Variants in CYLD observed in about 807,000 individuals in gnomAD.
CYLD encodes ubiquitin carboxyl-terminal hydrolase CYLD.
Under a neutral mutation model 104.5 loss-of-function variants are expected in CYLD, and 26 were observed. The observed-to-expected ratio is 0.25, with a 90% CI of 0.18 to 0.35. CYLD has a LOEUF of 0.35. Among genes scored for constraint, CYLD ranks in the 10% least tolerant of loss-of-function variants. The pLI, the probability that CYLD is intolerant of heterozygous loss-of-function variation, is 1.00. For missense variants in CYLD, 703 were observed against 1,136.1 expected (o/e 0.62, Z 5.48); for synonymous variants, 385 against 399.9 (o/e 0.96, Z 0.45).
At chr16:50,787,454 T>C in intron 13 of CYLD, 1 of 305,518 alleles carries the variant, frequency 3.3e-6, no homozygotes, top group Non-Finnish European at 6.2e-6. Flanking sequence ...TTCAGAGGCT[T>C]GCAGGAAAAA....
In CYLD at chr16:50,796,099, T is replaced by C. The variant is rs184250395; in HGVS notation, c.2687-225T>C. 4.1e-3 allele frequency among the ~76,000 whole-genome samples: 628 copies of C among 152,294 alleles called. 7 individuals are homozygous for C. Among genetic ancestry groups the C allele is most frequent in the Non-Finnish European group, 3.2e-3 (218 of 68,034 alleles). ...TTGGGGGCTTACCTCAGAATTCGTG[T>C]CCTTTTACCAGGTTTATTCACTGTT... On this transcript the variant is annotated intron_variant, in intron 18 of 18. Coordinates refer to ENST00000427738, the MANE Select transcript of CYLD (RefSeq NM_001378743.1).
In CYLD at chr16:50,787,682, G is replaced by T. The variant is rs572575637; in HGVS notation, c.2042-104G>T. 1.3e-4 allele frequency: 81 copies of T among 642,320 alleles called. No homozygotes were observed. The East Asian group carries it at 2.2e-3, about 17-fold the overall frequency. 39.8% of individuals were successfully genotyped at this position (642,320 alleles called of 1,614,324 possible). A position where few individuals can be genotyped will look rare whatever the true frequency, so the allele number is the denominator to read the frequency against. ...GCTTTTAATTGAAATAATATTGGAT[G>T]AATGAAACTGAATTCAGTATTAAAA... On this transcript the variant is annotated intron_variant, in intron 13 of 18. Coordinates refer to ENST00000427738, the MANE Select transcript of CYLD (RefSeq NM_001378743.1).
chr16:50,764,287 G>A (rs1275519066), intron 5 of CYLD, among the ~76,000 whole-genome samples: 1 of 152,230 alleles, frequency 6.6e-6, no homozygotes, highest in Non-Finnish European at 1.5e-5. Flanking sequence ...CCTATTCCTT[G>A]ACTATTTGAC....
chr16:50,798,978 C>T lies in CYLD; in HGVS notation c.*2470C>T. 8.6e-6 allele frequency: 2 copies of T among 233,486 alleles called. No individual in the cohort carries two copies. Among genetic ancestry groups the T allele is most frequent in the Non-Finnish European group, 8.5e-6 (1 of 118,100 alleles). The allele number at this position is 233,486 out of a possible 1,614,324, so 14.5% of individuals were successfully genotyped here. On this transcript the variant is annotated 3_prime_UTR_variant, in exon 19 of 19. Coordinates refer to ENST00000427738, the MANE Select transcript of CYLD (RefSeq NM_001378743.1). ...GAAGGTTTCCCCTGCACCTGTCTGTCCTGGCTCCCTCTGGGTAGCCCCCTA... is the reference window on the plus strand; with the variant it reads ...GAAGGTTTCCCCTGCACCTGTCTGTTCTGGCTCCCTCTGGGTAGCCCCCTA...
At chr16:50,785,231 C>T (rs1297450664) in intron 12 of CYLD, 2 of 152,024 alleles carry the variant, frequency 1.3e-5, no homozygotes, top group Non-Finnish European at 2.9e-5. Flanking sequence ...ATTTAAAGTC[C>T]ATATTAAGAT....
At chr16:50,775,128 A>C (rs373888825) in intron 5 of CYLD, 38 bp from the exon 6 acceptor site, 8 of 1,584,174 alleles carry the variant, frequency 5.0e-6, no homozygotes, top group East Asian at 2.2e-5. Context: ...TCTGTCCTCA[A>C]ATCCACTGTG....
chr16:50,778,675 G>A (rs1835239602), intron 8 of CYLD, among the ~76,000 whole-genome samples: 1 of 152,186 alleles, frequency 6.6e-6, no homozygotes, highest in Non-Finnish European at 1.5e-5. Context: ...GGAAGCTAGT[G>A]TTTGCCAGGG....
intron 10 of CYLD, 24 bp downstream of exon 10, chr16:50,781,435 T>C: frequency 1.9e-6 from 3 of 1,612,390 alleles, no homozygotes; most frequent in East Asian, 2.2e-5. Flanking sequence ...TTTTGTTTAC[T>C]TAACAACCTG....
At chr16:50,795,937 G>C (rs192768225) in intron 18 of CYLD, among the ~76,000 whole-genome samples, 2 of 152,032 alleles carry the variant, frequency 1.3e-5, no homozygotes, top group African/African-American at 4.8e-5. Context: ...CATTTGACTA[G>C]ATCTATTCCA....
Position 50,767,274 on chromosome 16 carries a change from CATT to C in CYLD, c.914-7888_914-7886del, listed in dbSNP as rs1224647594. 2.0e-5 allele frequency among the ~76,000 whole-genome samples: 3 copies of C among 152,238 alleles called. No individual in the cohort carries two copies. The East Asian group carries it at 5.8e-4, about 29-fold the overall frequency. On this transcript the variant is annotated intron_variant, in intron 5 of 18. Transcript: ENST00000427738. ...AATATTTTTAAAATTAAGGTATATA[CATT>C]ATTTTCAATAACATAATGGTATTGC... is the stretch of plus-strand genomic sequence containing the variant.
chr16:50,794,280 C>G lies in CYLD; in HGVS notation c.2538C>G (p.Asp846Glu), dbSNP rs376293566. ...NPVSLPKDLP[D>E]WDWRHGCIPC... ...TGTCACTTCCCAAAGACTTACCCGA[C>G]TGGGACTGGAGACACGGCTGCATCC... The change falls in exon 18 of 19, where the codon GAC (aspartate) becomes GAG (glutamate). Residue 846 changes from aspartate to glutamate, a missense_variant. Coordinates refer to ENST00000427738, the MANE Select transcript of CYLD (RefSeq NM_001378743.1). The surrounding 1 kb of genome is among the most constrained non-coding windows in gnomAD (Gnocchi z 4.1). 7.4e-6 allele frequency: 12 copies of G among 1,614,194 alleles called. No individual in the cohort carries two copies. Among genetic ancestry groups the G allele is most frequent in the Non-Finnish European group, 8.5e-6 (10 of 1,180,032 alleles).
At position 50,750,092 on chromosome 16, in the gene CYLD, A is replaced by G. The variant is rs750019749; in HGVS notation, c.394A>G (p.Lys132Glu). The G allele has an allele frequency of 1.9e-6, 3 of 1,614,162 alleles. No individual in the cohort carries two copies. The highest frequency in any genetic ancestry group is 2.5e-6 in the Non-Finnish European group (3 of 1,179,994). Residue 132 changes from lysine to glutamate, a missense_variant, in exon 3 of 19, where the codon AAA (lysine) becomes GAA (glutamate). By Grantham distance (56) the Lys-to-Glu change is moderately conservative. Coordinates refer to ENST00000427738, the MANE Select transcript of CYLD (RefSeq NM_001378743.1). ...CCAAATAGACGTGGGCTGTCCTGTG[A>G]AAGTACAGCTGAGATCTGGGGAAGA... is the stretch of plus-strand genomic sequence containing the variant. Reference protein sequence around the residue: ...GLQIDVGCPVKVQLRSGEEKF... With the variant: ...GLQIDVGCPVEVQLRSGEEKF...
Position 50,781,229 on chromosome 16 carries a change from A to G in CYLD, c.1519-17A>G. 6.2e-7 allele frequency: 1 copy of G among 1,613,680 alleles called. No individual in the cohort carries two copies. ...GTAAGGCACGGTATAATGCATATTG[A>G]AGCATTTCTTTTTCAGGAAGATGAG... On this transcript the variant is annotated splice_polypyrimidine_tract_variant and intron_variant, in intron 9 of 18. Coordinates refer to ENST00000427738, the MANE Select transcript of CYLD (RefSeq NM_001378743.1).
intron 5 of CYLD, among the ~76,000 whole-genome samples, chr16:50,759,832 G>T (rs1967700303): frequency 6.6e-6 from 1 of 152,182 alleles, no homozygotes; most frequent in South Asian, 2.1e-4. Flanking sequence ...AAGTAGGATT[G>T]AACAGCCTTT....
chr16:50,743,112 A>G (rs1965866685), intron 2 of CYLD, among the ~76,000 whole-genome samples: 1 of 152,042 alleles, frequency 6.6e-6, no homozygotes, highest in East Asian at 1.9e-4. Flanking sequence ...CTTCTCCTCA[A>G]TTTTTCCTGG....
At chr16:50,795,639 A>G (rs1366683277) in intron 18 of CYLD, 1 of 702,706 alleles carries the variant, frequency 1.4e-6, no homozygotes, top group East Asian at 2.7e-5. Flanking sequence ...ACAGAGGCCC[A>G]GGCCCTAGAT....
At chr16:50,776,609 A>G (rs933001730) in intron 7 of CYLD, among the ~76,000 whole-genome samples, 6 of 152,242 alleles carry the variant, frequency 3.9e-5, no homozygotes, top group African/African-American at 1.4e-4. Flanking sequence ...ATAATGTTAT[A>G]TAGGATAAAG....
intron 5 of CYLD, among the ~76,000 whole-genome samples, chr16:50,770,404 A>G (rs1381061397): frequency 1.3e-5 from 2 of 150,050 alleles, no homozygotes; most frequent in South Asian, 4.2e-4. Context: ...GATGTTGAAC[A>G]TCGTTCCGTG....
chr16:50,796,415 G>A lies in CYLD; in HGVS notation c.2778G>A (p.Leu926=), dbSNP rs752242818. The change falls in exon 19 of 19, where the codon TTG becomes TTA. Residue 926 remains leucine, a synonymous_variant. Coordinates refer to ENST00000427738, the MANE Select transcript of CYLD (RefSeq NM_001378743.1). ...TGTCTCTGGAAGACCTGCATTCCTT[G>A]GACTCCAGGAGAATCCAAGGCTGTG... is the stretch of plus-strand genomic sequence containing the variant. The part of the protein sequence containing the change: ...LKMSLEDLHS[L]DSRRIQGCAR... 4 of 1,614,060 alleles carry A rather than the reference G, an allele frequency of 2.5e-6. No homozygotes were observed. The Admixed American group carries it at 5.0e-5, about 20-fold the overall frequency.
Sources: allele counts gnomAD v4.1 joint callset (sites outside exome capture counted in the v4.1 genomes callset), GRCh38; gene constraint gnomAD v4.1.1; non-coding constraint Gnocchi (gnomAD v3.1); transcripts MANE v1.5; gene names NCBI Gene and HGNC (gene_info 2026-07-23, HGNC 2026-07-21).